The following REDIC1 variants were observed in gnomAD, a reference collection of about 807,000 sequenced individuals.
REDIC1 encodes the protein regulator of DNA class I crossover intermediates 1, also known as HEI10 Interacting Protein 1.
At chr12:39,714,062 T>G in the REDIC1 span, among the ~76,000 whole-genome samples, 1 of 139,758 alleles carries the variant, frequency 7.2e-6, no homozygotes, top group Non-Finnish European at 1.6e-5. Context: ...TATACACGTA[T>G]GTGTATATAC....
At chr12:39,828,833 C>G in the REDIC1 span, among the ~76,000 whole-genome samples, 1 of 151,842 alleles carries the variant, frequency 6.6e-6, no homozygotes, top group Admixed American at 6.6e-5. Flanking sequence ...GAACTATAAA[C>G]TGAGTATTTT....
chr12:39,720,036 C>G, the REDIC1 span, among the ~76,000 whole-genome samples: 1 of 151,498 alleles, frequency 6.6e-6, no homozygotes, highest in African/African-American at 2.4e-5. Context: ...ATAAGATTTT[C>G]ATTAAAAGAA....
the REDIC1 span, among the ~76,000 whole-genome samples, chr12:39,632,197 A>G: frequency 6.6e-6 from 1 of 151,962 alleles, no homozygotes; most frequent in African/African-American, 2.4e-5. Context: ...CCCAGGTTCA[A>G]GTGATTCTCC....
At chr12:39,781,196 C>G in the REDIC1 span, among the ~76,000 whole-genome samples, 1 of 152,156 alleles carries the variant, frequency 6.6e-6, no homozygotes, top group Non-Finnish European at 1.5e-5. Context: ...TATCTCAATC[C>G]TTCCAAATCA....
chr12:39,712,991 A>AC, the REDIC1 span, among the ~76,000 whole-genome samples: 3 of 142,610 alleles, frequency 2.1e-5, no homozygotes, highest in Non-Finnish European at 4.6e-5. Flanking sequence ...ACATGTGTAT[A>AC]TACGTGTATA....
the REDIC1 span, among the ~76,000 whole-genome samples, chr12:39,754,737 G>A: frequency 6.6e-6 from 1 of 151,968 alleles, no homozygotes; most frequent in Non-Finnish European, 1.5e-5. Flanking sequence ...GTCAACATCT[G>A]GTTCTGACAA....
chr12:39,630,790 T>C, the REDIC1 span, among the ~76,000 whole-genome samples: 1 of 152,166 alleles, frequency 6.6e-6, no homozygotes, highest in African/African-American at 2.4e-5. Context: ...TATGTCTGCT[T>C]GATGGTGAGT....
chr12:39,882,467 C>G, the REDIC1 span, among the ~76,000 whole-genome samples: 2 of 152,208 alleles, frequency 1.3e-5, no homozygotes, highest in African/African-American at 4.8e-5. Flanking sequence ...TATTCTTCTA[C>G]TCTGCATTTA....
the REDIC1 span, among the ~76,000 whole-genome samples, chr12:39,803,892 C>G: frequency 6.6e-6 from 1 of 151,976 alleles, no homozygotes; most frequent in Non-Finnish European, 1.5e-5. Flanking sequence ...GGACAACGAT[C>G]CCTTCCCAAG....
At chr12:39,895,174 C>G in the REDIC1 span, among the ~76,000 whole-genome samples, 2 of 151,972 alleles carry the variant, frequency 1.3e-5, no homozygotes, top group African/African-American at 2.4e-5. Context: ...CAGCCAGAAC[C>G]CTGAGTAACA....
At chr12:39,807,728 T>C in the REDIC1 span, among the ~76,000 whole-genome samples, 1 of 152,148 alleles carries the variant, frequency 6.6e-6, no homozygotes, top group Non-Finnish European at 1.5e-5. Flanking sequence ...TTCTTCTAAG[T>C]GCACCCTTTC....
At chr12:39,771,386 G>A in the REDIC1 span, among the ~76,000 whole-genome samples, 1 of 152,184 alleles carries the variant, frequency 6.6e-6, no homozygotes, top group Non-Finnish European at 1.5e-5. Context: ...GGAGAAGCAA[G>A]TCGCCATGCT....
the REDIC1 span, among the ~76,000 whole-genome samples, chr12:39,857,054 T>C: frequency 6.6e-6 from 1 of 152,196 alleles, no homozygotes; most frequent in Admixed American, 6.5e-5. Flanking sequence ...AAACTCCAAG[T>C]TGGTTTCATG....
the REDIC1 span, chr12:39,721,449 C>A: frequency 1.9e-6 from 1 of 516,850 alleles, no homozygotes; most frequent in Non-Finnish European, 3.4e-6. Context: ...TGTATATAGC[C>A]ATTTCCTTAA....
chr12:39,633,706 C>G, the REDIC1 span, among the ~76,000 whole-genome samples: 1 of 152,128 alleles, frequency 6.6e-6, no homozygotes, highest in Non-Finnish European at 1.5e-5. Context: ...TAGGCAATCA[C>G]TAGATGATAG....
At chr12:39,705,115 C>T in the REDIC1 span, among the ~76,000 whole-genome samples, 1 of 150,808 alleles carries the variant, frequency 6.6e-6, no homozygotes, top group Admixed American at 6.6e-5. Context: ...TAAATAAAAT[C>T]AGAGATGAAA....
the REDIC1 span, among the ~76,000 whole-genome samples, chr12:39,730,522 G>T: frequency 6.6e-6 from 1 of 152,212 alleles, no homozygotes; most frequent in Non-Finnish European, 1.5e-5. Context: ...TCTGCAGAGA[G>T]ATCTGCTGTT....
chr12:39,721,393 G>A, the REDIC1 span: 9 of 669,190 alleles, frequency 1.3e-5, no homozygotes, highest in East Asian at 1.4e-4. Context: ...GTATATTCAC[G>A]GTTCATGTTA....
the REDIC1 span, among the ~76,000 whole-genome samples, chr12:39,789,875 T>A: frequency 2.0e-5 from 3 of 152,248 alleles, no homozygotes; most frequent in South Asian, 6.2e-4. Context: ...ATTTTCCAAT[T>A]GGACAGTTTG....
Sources: allele counts gnomAD v4.1 joint callset (sites outside exome capture counted in the v4.1 genomes callset), GRCh38; gene constraint gnomAD v4.1.1; transcripts MANE v1.5; gene names NCBI Gene and HGNC (gene_info 2026-07-23, HGNC 2026-07-21).